TENM1: variants seen among roughly 807,000 people sequenced by gnomAD.
TENM1 encodes teneurin-1.
Under a neutral mutation model 174.8 loss-of-function variants are expected in TENM1, and 35 were observed. The observed-to-expected ratio is 0.20, with a 90% CI of 0.15 to 0.27. The LOEUF (loss-of-function observed/expected upper bound fraction) is 0.27, where lower values mean the gene tolerates loss of function less well. Among genes scored for constraint, TENM1 ranks in the 10% least tolerant of loss-of-function variants. The probability of loss-of-function intolerance (pLI) is 1.00; values close to 1 mark genes in which losing one functional copy is unlikely to be tolerated. For missense variants in TENM1, 1,633 were observed against 2,130.1 expected (o/e 0.77, Z 4.59); for synonymous variants, 781 against 798.7 (o/e 0.98, Z 0.37).
intron 6 of TENM1, among the ~76,000 whole-genome samples, chrX:124,662,652 T>A (rs1251914032): frequency 9.1e-6 from 1 of 110,322 alleles, no homozygotes; most frequent in Non-Finnish European, 1.9e-5. Flanking sequence ...ATTTCCCCCT[T>A]ACCATTCGAT....
chrX:124,625,814 A>C (rs139461926), intron 11 of TENM1, among the ~76,000 whole-genome samples: 1 of 110,735 alleles, frequency 9.0e-6, no homozygotes, highest in Non-Finnish European at 1.9e-5. Flanking sequence ...TAAACCATTC[A>C]TGAGAAATCC....
chrX:124,426,415 G>A (rs2060717940), intron 23 of TENM1, among the ~76,000 whole-genome samples: 1 of 112,204 alleles, frequency 8.9e-6, no homozygotes, highest in Non-Finnish European at 1.9e-5. Context: ...AGCTGTCATT[G>A]CATTCTGCGG....
At chrX:124,440,527 T>C (rs1214749080) in intron 23 of TENM1, among the ~76,000 whole-genome samples, 1 of 111,786 alleles carries the variant, frequency 8.9e-6, no homozygotes, top group Non-Finnish European at 1.9e-5. Context: ...CATCTAGTAC[T>C]GAATCCAAAA....
At chrX:125,125,352 A>G in the TENM1 span, among the ~76,000 whole-genome samples, 2 of 112,090 alleles carry the variant, frequency 1.8e-5, no homozygotes, top group East Asian at 5.6e-4. Flanking sequence ...AAAAATTACT[A>G]TTTAGAATTT....
chrX:124,912,225 AT>A (rs1258044044), intron 1 of TENM1, among the ~76,000 whole-genome samples: 1 of 111,507 alleles, frequency 9.0e-6, no homozygotes, highest in Non-Finnish European at 1.9e-5. Flanking sequence ...ACAAGTAGGA[AT>A]TTAGCTTCTT....
intron 22 of TENM1, among the ~76,000 whole-genome samples, chrX:124,463,038 T>C (rs2061196170): frequency 8.9e-6 from 1 of 111,781 alleles, no homozygotes; most frequent in Admixed American, 9.5e-5. Context: ...ACAAATGTGA[T>C]CCATGTGGAT....
At chrX:124,426,106 T>A (rs1339961122) in intron 23 of TENM1, among the ~76,000 whole-genome samples, 1 of 108,847 alleles carries the variant, frequency 9.2e-6, no homozygotes. Context: ...TAGCCAAACA[T>A]GGCTTCACCT....
At chrX:124,386,415 T>C (rs140692028) in intron 28 of TENM1, among the ~76,000 whole-genome samples, 27 of 111,311 alleles carry the variant, frequency 2.4e-4, no homozygotes, top group African/African-American at 8.8e-4. Flanking sequence ...AGTTGAGACA[T>C]AAAGATTGCC....
chrX:124,853,641 G>A, intron 3 of TENM1, among the ~76,000 whole-genome samples: 1 of 110,886 alleles, frequency 9.0e-6, no homozygotes, highest in Non-Finnish European at 1.9e-5. Context: ...TGTCTGCGAA[G>A]GTGTGCGTGG....
intron 23 of TENM1, among the ~76,000 whole-genome samples, chrX:124,440,871 A>G (rs1358400564): frequency 9.0e-6 from 1 of 111,483 alleles, no homozygotes; most frequent in Non-Finnish European, 1.9e-5. Context: ...TGACAGCATA[A>G]TTTGATTGCT....
At chrX:124,384,948 T>G in intron 29 of TENM1, 94 bp from the exon 33 acceptor site, 1 of 804,305 alleles carries the variant, frequency 1.2e-6, no homozygotes, top group Admixed American at 3.7e-5. Context: ...ACTGGTGCTT[T>G]TATATTCATA....
chrX:124,441,177 C>T (rs1444529712), intron 23 of TENM1, among the ~76,000 whole-genome samples: 2 of 111,601 alleles, frequency 1.8e-5, no homozygotes, highest in Admixed American at 1.9e-4. Context: ...GGTCTCACTG[C>T]AAATAAATGG....
intron 3 of TENM1, among the ~76,000 whole-genome samples, chrX:124,814,615 G>A (rs1437318029): frequency 9.0e-6 from 1 of 111,167 alleles, no homozygotes. Flanking sequence ...GTTGCTTATA[G>A]TTAGGTGGCT....
At chrX:124,641,801 G>A in exon 11 of TENM1, 1 of 1,210,959 alleles carries the variant, frequency 8.3e-7, no homozygotes, top group Non-Finnish European at 1.1e-6. Context: ...CTGTTGAGCA[G>A]TCAGATCCTG....
Position 124,571,419 on chromosome X carries a change from G to A in TENM1, c.2078-5859C>T, listed in dbSNP as rs1046247549. ...AGAATTGAAATCTAATGAGCAAAGT[G>A]TCCAAATCAAGGATTTAGAAAAAGG... On this transcript the variant is annotated intron_variant, in intron 11 of 31. Transcript: ENST00000422452. Among the ~76,000 whole-genome samples the A allele has an allele frequency of 3.6e-5, 4 of 111,400 alleles. No individual in the cohort carries two copies. The East Asian group carries it at 1.1e-3, about 31-fold the overall frequency.
intron 3 of TENM1, among the ~76,000 whole-genome samples, chrX:124,780,024 C>T (rs1467526255): frequency 9.0e-6 from 1 of 111,246 alleles, no homozygotes; most frequent in African/African-American, 3.3e-5. Context: ...TTTAGATACC[C>T]CCCATTTTAA....
chrX:124,594,499 G>A (rs546670521), intron 11 of TENM1, among the ~76,000 whole-genome samples: 5 of 111,411 alleles, frequency 4.5e-5, no homozygotes, highest in African/African-American at 1.6e-4. Context: ...ACATGGTCAG[G>A]TTCTGGTGAG....
At chrX:124,816,403 T>G in intron 3 of TENM1, among the ~76,000 whole-genome samples, 1 of 112,409 alleles carries the variant, frequency 8.9e-6, no homozygotes, top group Middle Eastern at 4.7e-3. Context: ...CAACATAGGC[T>G]AATAAAATAT....
chrX:124,797,234 T>C lies in TENM1; in HGVS notation c.536-60037A>G, dbSNP rs991701429. 5.4e-5 allele frequency among the ~76,000 whole-genome samples: 6 copies of C among 111,949 alleles called. No individual in the cohort carries two copies. In the Admixed American group the frequency reaches 5.7e-4, roughly 11 times the overall value. ...TCTGTTGAACTGAAGTTCGTGCTGATGTGACTGAACTGGATGGGTCTGGCT... is the reference window on the plus strand; with the variant it reads ...TCTGTTGAACTGAAGTTCGTGCTGACGTGACTGAACTGGATGGGTCTGGCT... On this transcript the variant is annotated intron_variant, in intron 3 of 31. Transcript: ENST00000422452.
Sources: gnomAD v4.1 joint callset for allele counts (sites outside exome capture counted in the v4.1 genomes callset) on GRCh38, gnomAD v4.1.1 for gene constraint, MANE v1.5 for transcripts, NCBI Gene and HGNC (gene_info 2026-07-23, HGNC 2026-07-21) for gene names.